The following C12orf42 variants were observed in gnomAD, a reference collection of about 807,000 sequenced individuals.
C12orf42 encodes the protein chromosome 12 open reading frame 42.
C12orf42 carries 25 observed loss-of-function variants against 21.6 expected under a neutral mutation model. The observed-to-expected ratio is 1.16, with a 90% CI of 0.84 to 1.62. The LOEUF (loss-of-function observed/expected upper bound fraction) is 1.62. Among genes scored for constraint, C12orf42 ranks in the 40% most tolerant of loss-of-function variants. The pLI is 0.00. For synonymous variants in C12orf42, 174 were observed against 175.0 expected (o/e 0.99, Z 0.05); for missense variants, 483 against 459.3 (o/e 1.05, Z -0.47).
At chr12:103,447,102 T>A (rs369533919) in intron 2 of C12orf42, among the ~76,000 whole-genome samples, 2 of 151,992 alleles carry the variant, frequency 1.3e-5, no homozygotes, top group South Asian at 4.1e-4. Flanking sequence ...AGATAGACCA[T>A]GTGATAGGGC....
chr12:103,162,509 GT>G, the C12orf42 span, among the ~76,000 whole-genome samples: 1 of 77,358 alleles, frequency 1.3e-5, no homozygotes, highest in Non-Finnish European at 2.7e-5. Context: ...ACAAGCTGGT[GT>G]GTGTGTGTGT....
intron 5 of C12orf42, among the ~76,000 whole-genome samples, chr12:103,272,940 T>C (rs2035555912): frequency 6.6e-6 from 1 of 152,210 alleles, no homozygotes; most frequent in South Asian, 2.1e-4. Context: ...GACTCTCCGC[T>C]TCTAGTAAAT....
intron 4 of C12orf42, among the ~76,000 whole-genome samples, chr12:103,363,981 C>T (rs979729069): frequency 5.9e-5 from 9 of 152,036 alleles, no homozygotes; most frequent in Non-Finnish European, 1.5e-5. Context: ...AAACTATACC[C>T]TAGAACAAAT....
At chr12:103,438,957 A>C (rs1237115216) in intron 2 of C12orf42, among the ~76,000 whole-genome samples, 1 of 152,186 alleles carries the variant, frequency 6.6e-6, no homozygotes, top group African/African-American at 2.4e-5. Context: ...CAAGGCAATC[A>C]TAAGGCAAAA....
chr12:103,122,461 C>T, the C12orf42 span, among the ~76,000 whole-genome samples: 1 of 152,078 alleles, frequency 6.6e-6, no homozygotes, highest in African/African-American at 2.4e-5. Flanking sequence ...CACTATACAG[C>T]TTTTGGGAAT....
At chr12:103,137,026 G>A in the C12orf42 span, among the ~76,000 whole-genome samples, 2 of 152,076 alleles carry the variant, frequency 1.3e-5, no homozygotes, top group Non-Finnish European at 2.9e-5. Flanking sequence ...TAGACAAATA[G>A]AGCTATATTA....
intron 4 of C12orf42, among the ~76,000 whole-genome samples, chr12:103,316,097 T>C (rs925575910): frequency 1.3e-5 from 2 of 150,300 alleles, no homozygotes; most frequent in African/African-American, 4.9e-5. Context: ...TATATATATA[T>C]ACACACACAG....
intron 5 of C12orf42, among the ~76,000 whole-genome samples, 170 bp downstream of exon 5, chr12:103,305,804 T>G (rs941738429): frequency 6.6e-6 from 1 of 152,226 alleles, no homozygotes; most frequent in Non-Finnish European, 1.5e-5. Context: ...TCCAATATAA[T>G]GCTTGACAAC....
the C12orf42 span, among the ~76,000 whole-genome samples, chr12:103,086,923 G>T: frequency 6.6e-6 from 1 of 152,108 alleles, no homozygotes. Context: ...GGCAAACTAT[G>T]TTGCTTTCCT....
At chr12:103,394,421 G>A (rs1291472655) in intron 3 of C12orf42, among the ~76,000 whole-genome samples, 2 of 152,178 alleles carry the variant, frequency 1.3e-5, no homozygotes, top group African/African-American at 4.8e-5. Context: ...TGGCCTGGAT[G>A]CATTCTGGCT....
chr12:103,431,728 T>C (rs756728062), intron 2 of C12orf42, among the ~76,000 whole-genome samples: 2 of 152,204 alleles, frequency 1.3e-5, no homozygotes, highest in Non-Finnish European at 2.9e-5. Context: ...TATTTTCTAT[T>C]ATGATTTGAC....
chr12:103,318,113 C>A (rs958943544), intron 4 of C12orf42, among the ~76,000 whole-genome samples: 8 of 152,142 alleles, frequency 5.3e-5, no homozygotes, highest in Non-Finnish European at 1.0e-4. Flanking sequence ...CATGGCAAAA[C>A]CCAGTCTCTA....
chr12:103,229,389 GC>G, the C12orf42 span, among the ~76,000 whole-genome samples: 1 of 152,210 alleles, frequency 6.6e-6, no homozygotes, highest in Non-Finnish European at 1.5e-5. Flanking sequence ...GATTCTCTCA[GC>G]GATTCAAAAA....
chr12:103,517,067 A>C, the C12orf42 span, among the ~76,000 whole-genome samples: 2 of 152,240 alleles, frequency 1.3e-5, no homozygotes, highest in African/African-American at 4.8e-5. Context: ...CTGTGGTAAC[A>C]TGTCAACATA....
At chr12:103,499,312 T>A (rs552329390), upstream of C12orf42, among the ~76,000 whole-genome samples, 1 of 152,340 alleles carries the variant, frequency 6.6e-6, no homozygotes, top group South Asian at 2.1e-4. Flanking sequence ...ATTAGCTTGA[T>A]TGTCATCATT....
At chr12:103,433,550 C>A (rs1363912385) in intron 2 of C12orf42, among the ~76,000 whole-genome samples, 1 of 152,114 alleles carries the variant, frequency 6.6e-6, no homozygotes, top group Non-Finnish European at 1.5e-5. Flanking sequence ...GATCTAACTA[C>A]CCATTTGTAA....
rs569179639 is a variant in C12orf42, at chr12:103,323,041, C to A, written c.260-16696G>T. Among the ~76,000 whole-genome samples, 9 of 152,128 alleles carry A rather than the reference C, an allele frequency of 5.9e-5. No homozygotes were observed. In the East Asian group the frequency reaches 1.7e-3, roughly 29 times the overall value. ...ATAGGCTTATAGAAATTAAGGCTGC[C>A]CAACTTTTCATTGGTAGAAGCAATC... On this transcript the variant is annotated intron_variant, in intron 4 of 5. Transcript: ENST00000548883.
intron 3 of C12orf42, among the ~76,000 whole-genome samples, chr12:103,399,949 G>A (rs2047857432): frequency 6.6e-6 from 1 of 151,940 alleles, no homozygotes; most frequent in Non-Finnish European, 1.5e-5. Flanking sequence ...GACGTACAGT[G>A]CATAATATAC....
At chr12:103,226,636 C>T in the C12orf42 span, among the ~76,000 whole-genome samples, 2 of 151,976 alleles carry the variant, frequency 1.3e-5, no homozygotes, top group Admixed American at 6.6e-5. Flanking sequence ...AACTGTAAGC[C>T]CGACCAGGTG....
Sources: allele counts gnomAD v4.1 joint callset (sites outside exome capture counted in the v4.1 genomes callset), GRCh38; gene constraint gnomAD v4.1.1; transcripts MANE v1.5; gene names NCBI Gene and HGNC (gene_info 2026-07-23, HGNC 2026-07-21).